UNC79: variants seen among roughly 807,000 people sequenced by gnomAD.
UNC79 encodes unc-79 subunit of NALCN channel complex, also known as protein unc-79 homolog.
Under a neutral mutation model 283.1 loss-of-function variants are expected in UNC79, and 37 were observed. The observed-to-expected ratio is 0.13, with a 90% CI of 0.10 to 0.17. UNC79 has a LOEUF of 0.17. Ranked by LOEUF, UNC79 falls within the 10% of genes least tolerant of loss-of-function variation. The pLI, the probability that UNC79 is intolerant of heterozygous loss-of-function variation, is 1.00. For missense variants in UNC79, 2,272 were observed against 3,211.1 expected, an observed-to-expected ratio of 0.71 and a Z score of 7.07; for synonymous variants, 1,107 against 1,200.2, an observed-to-expected ratio of 0.92 and a Z score of 1.61.
Position 93,613,301 on chromosome 14 carries a change from CGT to C in UNC79, c.4041+240_4041+241del, listed in dbSNP as rs200301706. ...AAATGACAGAGAGAGAGACTGCATG[CGT>C]GTGTGTGTGTGTGTGTGTGTGAGAG... On this transcript the variant is annotated intron_variant, in intron 27 of 48. Coordinates refer to ENST00000555664, the Ensembl canonical transcript of UNC79. Among the ~76,000 whole-genome samples, 787 of 146,426 alleles carry C rather than the reference CGT, an allele frequency of 5.4e-3. 3 individuals are homozygous for C. The highest frequency in any genetic ancestry group is 0.021 in the Middle Eastern group (6 of 288).
intron 14 of UNC79, among the ~76,000 whole-genome samples, chr14:93,551,977 G>A (rs2141307679): frequency 6.6e-6 from 1 of 152,264 alleles, no homozygotes; most frequent in Middle Eastern, 3.4e-3. Flanking sequence ...AATCCTTCTG[G>A]GATGGTATGG....
chr14:93,392,375 C>T (rs1292569204), intron 1 of UNC79, among the ~76,000 whole-genome samples: 1 of 151,996 alleles, frequency 6.6e-6, no homozygotes, highest in Non-Finnish European at 1.5e-5. Context: ...ATAAGCAAAA[C>T]TAAAGTGTAG....
chr14:93,671,802 A>G (rs2072890519), intron 40 of UNC79, among the ~76,000 whole-genome samples: 1 of 152,082 alleles, frequency 6.6e-6, no homozygotes, highest in African/African-American at 2.4e-5. Flanking sequence ...CAACAACAAC[A>G]AAAATGTAAA....
chr14:93,368,806 T>C (rs2139960144), intron 1 of UNC79, among the ~76,000 whole-genome samples: 1 of 152,294 alleles, frequency 6.6e-6, no homozygotes, highest in Admixed American at 6.5e-5. Flanking sequence ...GGAAAAGCTA[T>C]TAAGACACAA....
chr14:93,705,436 T>C (rs993753060), intron 48 of UNC79, among the ~76,000 whole-genome samples: 1 of 150,040 alleles, frequency 6.7e-6, no homozygotes, highest in African/African-American at 2.5e-5. Context: ...TCCTGGTTGC[T>C]AAAATGGATT....
intron 34 of UNC79, among the ~76,000 whole-genome samples, chr14:93,645,516 C>T (rs76990334): frequency 5.9e-5 from 9 of 152,280 alleles, no homozygotes; most frequent in East Asian, 5.8e-4. Context: ...CACTTCATCA[C>T]GAAGAACAGA....
exon 31 of UNC79, chr14:93,630,893 C>T (rs2067977979): frequency 1.2e-6 from 2 of 1,613,778 alleles, no homozygotes; most frequent in Admixed American, 1.7e-5. Context: ...AACAAGTAGC[C>T]ATTCCTCAAT....
chr14:93,447,985 C>T (rs2056514302), intron 1 of UNC79, among the ~76,000 whole-genome samples: 1 of 152,098 alleles, frequency 6.6e-6, no homozygotes, highest in Admixed American at 6.5e-5. Flanking sequence ...GGTGTTCATT[C>T]TGCTTTGTGT....
rs764728527 is a variant in UNC79 at position 93,622,046 on chromosome 14, T to TTAGATCTGATAGATCTAATAGATCTGA, written c.4830_4831insATAGATCTGATAGATCTGATAGATCTA (p.Leu1610_Ser1611insIleAspLeuIleAspLeuIleAspLeu). On this transcript the variant is annotated inframe_insertion, in exon 30 of 49. Transcript: ENST00000555664. ...GGTAAAGCCTGCTCCTAAAGAGGAT[T>TTAGATCTGATAGATCTAATAGATCTGA]TAGATCTGATAGATCTATCCTCAGA... 1.9e-6 allele frequency: 3 copies of TTAGATCTGATAGATCTAATAGATCTGA among 1,613,994 alleles called. No individual in the cohort carries two copies. The Admixed American group carries it at 5.0e-5, about 27-fold the overall frequency.
At chr14:93,482,139 C>T (rs2058176598) in intron 4 of UNC79, among the ~76,000 whole-genome samples, 2 of 152,152 alleles carry the variant, frequency 1.3e-5, no homozygotes, top group South Asian at 4.1e-4. Context: ...TGTTAAATCC[C>T]ATTGCAACTC....
rs1555398885 is a variant in UNC79, at chr14:93,357,858, T to TGTATATATATGG, written c.-351+24335_-351+24336insGTATATATATGG. Among the ~76,000 whole-genome samples the TGTATATATATGG allele has an allele frequency of 2.6e-4, 12 of 46,986 alleles. 1 individual carries two copies. The highest frequency in any genetic ancestry group is 7.1e-4 in the African/African-American group (12 of 16,990). 30.8% of individuals were successfully genotyped at this position (46,986 alleles called of 152,430 possible). Reference sequence around the variant, plus strand: ...ATGTATATATATGGATATATGGATATATATATGGATATATGGATATATATA... The same window carrying TGTATATATATGG: ...ATGTATATATATGGATATATGGATATGTATATATATGGATATATGGATATATGGATATATATA... On this transcript the variant is annotated intron_variant, in intron 1 of 49. Coordinates refer to the UNC79 transcript ENST00000256339.
chr14:93,676,229 T>A (rs1040369323), intron 41 of UNC79, among the ~76,000 whole-genome samples: 10 of 152,060 alleles, frequency 6.6e-5, no homozygotes, highest in Admixed American at 3.9e-4. Flanking sequence ...GCCAATTTTT[T>A]AAATATTTTT....
chr14:93,540,949 A>G (rs2061343694), intron 13 of UNC79, 118 bp downstream of exon 13: 1 of 1,301,088 alleles, frequency 7.7e-7, no homozygotes, highest in Non-Finnish European at 1.1e-6. Flanking sequence ...AACCTTAGCA[A>G]TGGGGCTGAA....
chr14:93,601,975 T>G (rs796248190), intron 25 of UNC79, among the ~76,000 whole-genome samples: 14 of 152,322 alleles, frequency 9.2e-5, no homozygotes, highest in African/African-American at 2.9e-4. Context: ...CTGATTTGTT[T>G]GAGTTCCTTA....
exon 12 of UNC79, chr14:93,538,097 C>T: frequency 6.2e-7 from 1 of 1,614,220 alleles, no homozygotes; most frequent in Non-Finnish European, 8.5e-7. Flanking sequence ...CCACTCAAAT[C>T]ATCACAGTAA....
At chr14:93,624,630 C>G (rs536144612) in intron 30 of UNC79, among the ~76,000 whole-genome samples, 1 of 152,152 alleles carries the variant, frequency 6.6e-6, no homozygotes, top group East Asian at 1.9e-4. Flanking sequence ...GTTAACAGAA[C>G]AGGGGAAAAA....
intron 41 of UNC79, 100 bp from the exon 45 acceptor site, chr14:93,682,517 A>C: frequency 1.9e-6 from 2 of 1,044,442 alleles, no homozygotes; most frequent in Non-Finnish European, 2.9e-6. Flanking sequence ...TCGTCATGAA[A>C]ATAAACACTA....
chr14:93,591,467 T>C (rs930864557), intron 22 of UNC79, among the ~76,000 whole-genome samples: 1 of 152,280 alleles, frequency 6.6e-6, no homozygotes, highest in African/African-American at 2.4e-5. Context: ...GTATGTTTTA[T>C]GCATTATTTA....
At chr14:93,657,342 G>T (rs909423014) in intron 38 of UNC79, among the ~76,000 whole-genome samples, 2 of 141,884 alleles carry the variant, frequency 1.4e-5, no homozygotes, top group African/African-American at 5.1e-5. Flanking sequence ...ATGGGATGAG[G>T]TATGGCAAAT....
Sources: allele counts gnomAD v4.1 joint callset (sites outside exome capture counted in the v4.1 genomes callset), GRCh38; gene constraint gnomAD v4.1.1; transcripts MANE v1.5; gene names NCBI Gene and HGNC (gene_info 2026-07-23, HGNC 2026-07-21).